The following TENM4 variants were observed in gnomAD, a reference collection of about 807,000 sequenced individuals.
TENM4 encodes the protein teneurin-4.
A neutral mutation model predicts 243.3 loss-of-function variants in TENM4; 82 were observed. The ratio of observed to expected loss-of-function variants is 0.34; its 90% CI spans 0.28 to 0.40. The LOEUF is 0.40. TENM4 is among the 10% of genes least tolerant of loss of function. TENM4 has a pLI of 1.00. For missense variants in TENM4, 3,138 were observed against 3,673.3 expected (o/e 0.85, Z 3.77); for synonymous variants, 1,412 against 1,456.3 (o/e 0.97, Z 0.69).
chr11:79,414,401 A>C (rs1202332119), intron 1 of TENM4, among the ~76,000 whole-genome samples: 4 of 152,202 alleles, frequency 2.6e-5, no homozygotes, highest in African/African-American at 9.6e-5. Context: ...AGGGACTGTA[A>C]TCATCCTGCC....
chr11:78,951,346 G>A (rs972285821), intron 6 of TENM4, among the ~76,000 whole-genome samples: 2 of 152,196 alleles, frequency 1.3e-5, no homozygotes, highest in African/African-American at 2.4e-5. Flanking sequence ...ATGGACAGAT[G>A]AATGAATGAA....
chr11:79,339,144 G>T lies in TENM4; in HGVS notation c.-320-41601C>A, dbSNP rs992662028. The stretch of plus-strand genomic sequence containing the variant: ...TCAGGAGAGTGGCAGGCCAAGCAGG[G>T]GATTGTTGGACGGGGCTGTCCTTTG... On this transcript the variant is annotated intron_variant, in intron 1 of 33. Transcript: ENST00000278550. Among the ~76,000 whole-genome samples the T allele has an allele frequency of 2.0e-5, 3 of 152,110 alleles. No individual in the cohort carries two copies. In the East Asian group the frequency reaches 5.8e-4, roughly 29 times the overall value.
chr11:78,697,919 A>T (rs1196124522), intron 28 of TENM4, among the ~76,000 whole-genome samples: 1 of 152,194 alleles, frequency 6.6e-6, no homozygotes, highest in Non-Finnish European at 1.5e-5. Flanking sequence ...ACGATGCCAC[A>T]CATGGGAGGT....
chr11:78,812,718 C>T (rs1857525124), intron 13 of TENM4, among the ~76,000 whole-genome samples: 2 of 152,154 alleles, frequency 1.3e-5, no homozygotes, highest in African/African-American at 4.8e-5. Flanking sequence ...TCCACTTTCA[C>T]TTCCCCACAC....
At chr11:79,360,255 G>A (rs1419535673) in intron 1 of TENM4, among the ~76,000 whole-genome samples, 1 of 152,156 alleles carries the variant, frequency 6.6e-6, no homozygotes, top group South Asian at 2.1e-4. Context: ...TACAACAAAT[G>A]CTTGTTAAAC....
intron 6 of TENM4, among the ~76,000 whole-genome samples, chr11:78,996,828 C>T (rs76396817): frequency 6.6e-6 from 1 of 152,132 alleles, no homozygotes; most frequent in South Asian, 2.1e-4. Flanking sequence ...GACCCTGGGG[C>T]AGAAGAATGG....
chr11:79,045,737 TA>T (rs1278543774), intron 6 of TENM4, among the ~76,000 whole-genome samples: 12 of 133,492 alleles, frequency 9.0e-5, no homozygotes, highest in African/African-American at 1.6e-4. Context: ...TTTTTTTTTT[TA>T]AATTAGAAAA....
At position 78,672,290 on chromosome 11, in the gene TENM4, C is replaced by A; in HGVS notation, c.5536G>T (p.Val1846Leu). 6.2e-7 allele frequency: 1 copy of A among 1,613,166 alleles called. No homozygotes were observed. Among genetic ancestry groups the A allele is most frequent in the Non-Finnish European group, 8.5e-7 (1 of 1,179,172 alleles). The change falls in exon 31 of 34, where the codon GTA becomes TTA. Residue 1846 changes from valine (V) to leucine (L), a missense_variant. Val to Leu is a conservative substitution (Grantham distance 32). This residue lies in a region of TENM4 where 2,467 missense variants were observed against 3,059.1 expected (regional missense o/e 0.81). Coordinates refer to ENST00000278550, the MANE Select transcript of TENM4 (RefSeq NM_001098816.3). ...TCATAGATCTTCTCTGTGCGTGTTA[C>A]GCGATCAAAGTCCAGAGATAGGAGA... The part of the protein sequence containing the change: ...RNLLSLDFDR[V>L]TRTEKIYDDH...
intron 1 of TENM4, among the ~76,000 whole-genome samples, chr11:79,403,823 G>C (rs920766065): frequency 1.3e-5 from 2 of 152,108 alleles, no homozygotes; most frequent in African/African-American, 4.8e-5. Context: ...GAGGGGGGTG[G>C]TGGGGGTGGT....
At chr11:79,027,813 T>G (rs1264638629) in intron 6 of TENM4, among the ~76,000 whole-genome samples, 2 of 152,136 alleles carry the variant, frequency 1.3e-5, no homozygotes, top group Non-Finnish European at 2.9e-5. Context: ...ACCTATCTGT[T>G]CAGCTGGTGC....
At chr11:79,405,007 C>T (rs1858538291) in intron 1 of TENM4, among the ~76,000 whole-genome samples, 1 of 152,066 alleles carries the variant, frequency 6.6e-6, no homozygotes, top group South Asian at 2.1e-4. Context: ...TGCACATGTG[C>T]ATTTGTTGAC....
At chr11:78,913,680 G>A (rs918798686) in intron 6 of TENM4, among the ~76,000 whole-genome samples, 6 of 151,268 alleles carry the variant, frequency 4.0e-5, no homozygotes, top group Non-Finnish European at 7.4e-5. Context: ...GTGATGGAGC[G>A]GATAAGCAGC....
In TENM4 at chr11:79,141,553, A is replaced by G. The variant is rs374916955; in HGVS notation, c.-66+7157T>C. On this transcript the variant is annotated intron_variant, in intron 4 of 33. Coordinates refer to ENST00000278550, the MANE Select transcript of TENM4 (RefSeq NM_001098816.3). ...CCTGATGGCTTCACTGCTGAATTTC[A>G]CCAAATATTTTAAAAAGAACTAATA... is the stretch of plus-strand genomic sequence containing the variant. Among the ~76,000 whole-genome samples, 16 of 152,206 alleles carry G rather than the reference A, an allele frequency of 1.1e-4. No homozygotes were observed. The East Asian group carries it at 1.9e-3, about 18-fold the overall frequency.
intron 4 of TENM4, among the ~76,000 whole-genome samples, chr11:79,083,395 C>T (rs4945324): frequency 0.2 from 29,894 of 152,168 alleles, 3,256 homozygotes; most frequent in Non-Finnish European, 0.25. Context: ...TTTCTCAACC[C>T]GGGGGATATA....
intron 6 of TENM4, among the ~76,000 whole-genome samples, chr11:78,930,815 T>C (rs1856651219): frequency 6.6e-6 from 1 of 152,180 alleles, no homozygotes; most frequent in Admixed American, 6.5e-5. Flanking sequence ...CTTCTGACTG[T>C]GGCAATGATT....
chr11:79,072,916 G>T (rs549001788), intron 4 of TENM4, among the ~76,000 whole-genome samples: 1 of 152,172 alleles, frequency 6.6e-6, no homozygotes, highest in South Asian at 2.1e-4. Context: ...ATAGCTAATA[G>T]ACTCTTAGTA....
At chr11:78,977,060 C>G (rs560853004) in intron 6 of TENM4, among the ~76,000 whole-genome samples, 1 of 152,324 alleles carries the variant, frequency 6.6e-6, no homozygotes, top group South Asian at 2.1e-4. Context: ...AAGGGCCATG[C>G]TCTCTCTGAA....
chr11:78,962,711 T>A (rs1247910861), intron 6 of TENM4, among the ~76,000 whole-genome samples: 1 of 152,226 alleles, frequency 6.6e-6, no homozygotes. Flanking sequence ...CTGGCCTCAG[T>A]GGCCTCGCTG....
At chr11:78,890,286 T>A (rs1253013700) in intron 8 of TENM4, among the ~76,000 whole-genome samples, 1 of 152,150 alleles carries the variant, frequency 6.6e-6, no homozygotes, top group Non-Finnish European at 1.5e-5. Flanking sequence ...CAGAAGGTGT[T>A]AACCAACTCA....
Sources: gnomAD v4.1 joint callset for allele counts (sites outside exome capture counted in the v4.1 genomes callset) on GRCh38, gnomAD v4.1.1 for gene constraint, gnomAD v4.1.1 regional missense constraint, MANE v1.5 for transcripts, NCBI Gene and HGNC (gene_info 2026-07-23, HGNC 2026-07-21) for gene names.